Variants in TSHR observed in about 807,000 individuals in gnomAD.
The protein encoded by TSHR is thyrotropin receptor.
In TSHR, 51 loss-of-function variants were observed where a neutral mutation model predicts 64.1. The observed-to-expected ratio is 0.80, with a 90% CI of 0.64 to 1.01. The LOEUF is 1.01. TSHR is among the 50% of genes least tolerant of loss of function. The pLI, the probability that TSHR is intolerant of heterozygous loss-of-function variation, is 0.00. For synonymous variants in TSHR, 361 were observed against 361.9 expected, an observed-to-expected ratio of 1.00 and a Z score of 0.03; for missense variants, 877 against 942.8, an observed-to-expected ratio of 0.93 and a Z score of 0.91.
At chr14:81,065,806 A>G (rs778296093) in intron 2 of TSHR, among the ~76,000 whole-genome samples, 27 of 152,214 alleles carry the variant, frequency 1.8e-4, no homozygotes, top group Non-Finnish European at 3.7e-4. Flanking sequence ...TAATGATTAA[A>G]GATTTGATAT....
At chr14:81,033,004 G>C in intron 1 of TSHR, 1 of 361,026 alleles carries the variant, frequency 2.8e-6, no homozygotes, top group Non-Finnish European at 5.5e-6. Context: ...GCTGTGTGGG[G>C]CAGATTTACT....
intron 3 of TSHR, among the ~76,000 whole-genome samples, chr14:81,075,967 A>T (rs1430836825): frequency 6.6e-6 from 1 of 152,118 alleles, no homozygotes; most frequent in Non-Finnish European, 1.5e-5. Flanking sequence ...ATGCAGCCAT[A>T]AAAAATGATG....
At chr14:81,000,703 T>G (rs1024826704) in intron 1 of TSHR, among the ~76,000 whole-genome samples, 9 of 152,218 alleles carry the variant, frequency 5.9e-5, no homozygotes, top group African/African-American at 2.2e-4. Context: ...TCAGGGGTCA[T>G]GACAAAATCT....
intron 1 of TSHR, among the ~76,000 whole-genome samples, chr14:81,023,825 A>C (rs1436902928): frequency 2.6e-5 from 4 of 152,282 alleles, no homozygotes; most frequent in Non-Finnish European, 5.9e-5. Flanking sequence ...AAAACAGTAG[A>C]GGTAGCCCAT....
At chr14:80,957,638 G>C (rs950858106) in intron 1 of TSHR, among the ~76,000 whole-genome samples, 8 of 152,182 alleles carry the variant, frequency 5.3e-5, no homozygotes, top group Non-Finnish European at 1.2e-4. Context: ...CAGTGAAAAG[G>C]AACTCGTAGA....
chr14:81,056,032 G>A (rs1016382524), intron 1 of TSHR, among the ~76,000 whole-genome samples: 3 of 152,130 alleles, frequency 2.0e-5, no homozygotes, highest in African/African-American at 7.2e-5. Context: ...TGTTGTGGGA[G>A]GGACTCAGTG....
chr14:81,014,747 C>T (rs1452027269), intron 1 of TSHR, among the ~76,000 whole-genome samples: 1 of 152,174 alleles, frequency 6.6e-6, no homozygotes, highest in Non-Finnish European at 1.5e-5. Flanking sequence ...ATAGTTCCTG[C>T]AGCTATTAGT....
intron 4 of TSHR, among the ~76,000 whole-genome samples, chr14:81,089,205 G>C (rs144189812): frequency 0.03 from 4,598 of 151,854 alleles, 233 homozygotes; most frequent in African/African-American, 0.1. Flanking sequence ...CCAGGCTGGT[G>C]TCGAACTCCT....
chr14:81,091,463 G>A (rs1888730740), intron 5 of TSHR, among the ~76,000 whole-genome samples: 1 of 152,166 alleles, frequency 6.6e-6, no homozygotes, highest in African/African-American at 2.4e-5. Context: ...CTATTAAAAG[G>A]AGCAGAAAAT....
intron 1 of TSHR, among the ~76,000 whole-genome samples, chr14:81,002,384 T>C (rs373655037): frequency 9.3e-4 from 141 of 152,284 alleles, no homozygotes; most frequent in African/African-American, 2.6e-3. Context: ...TTGCTCTGTT[T>C]ACTTAACCCG....
intron 1 of TSHR, among the ~76,000 whole-genome samples, chr14:81,025,587 A>G (rs34936267): frequency 1.3e-5 from 2 of 152,206 alleles, no homozygotes; most frequent in Non-Finnish European, 2.9e-5. Context: ...AATATAATAG[A>G]CAATACATTA....
At chr14:81,075,449 A>G (rs1887425452) in intron 3 of TSHR, among the ~76,000 whole-genome samples, 2 of 152,224 alleles carry the variant, frequency 1.3e-5, no homozygotes, top group Non-Finnish European at 2.9e-5. Context: ...CATTCAATAA[A>G]TACAGTATGT....
intron 1 of TSHR, among the ~76,000 whole-genome samples, chr14:80,958,573 A>T (rs1566736724): frequency 1.3e-5 from 2 of 152,204 alleles, no homozygotes; most frequent in Non-Finnish European, 2.9e-5. Context: ...AAAGGAAAGA[A>T]GAAGGAAGGA....
intron 3 of TSHR, among the ~76,000 whole-genome samples, chr14:81,080,647 C>A (rs939110477): frequency 4.6e-5 from 7 of 152,024 alleles, no homozygotes; most frequent in African/African-American, 1.7e-4. Flanking sequence ...TAGATTATTT[C>A]TTTCCTCCAG....
Position 80,955,870 on chromosome 14 carries a change from C to A in TSHR, c.170+20C>A. 1.2e-6 allele frequency: 2 copies of A among 1,614,054 alleles called. No homozygotes were observed. Among genetic ancestry groups the A allele is most frequent in the African/African-American group, 1.3e-5 (1 of 75,064 alleles). On this transcript the variant is annotated intron_variant, in intron 1 of 9. Coordinates refer to ENST00000298171, the MANE Select transcript of TSHR (RefSeq NM_000369.5). ...GACTCTGTGAGTACCCGGGAGAGAT[C>A]AGGGTAGGACCCAGAGATCAAGGGC... is the stretch of plus-strand genomic sequence containing the variant.
At chr14:80,967,974 T>G (rs1057235650) in intron 1 of TSHR, among the ~76,000 whole-genome samples, 2 of 152,120 alleles carry the variant, frequency 1.3e-5, no homozygotes, top group African/African-American at 4.8e-5. Context: ...GGACCCTTGC[T>G]TTAGGAAGGA....
At chr14:80,991,228 T>C (rs17545038) in intron 1 of TSHR, among the ~76,000 whole-genome samples, 30,349 of 152,164 alleles carry the variant, frequency 0.2, 3,593 homozygotes, top group Admixed American at 0.28. Flanking sequence ...GTACCCTAAA[T>C]GCAAGTTGTT....
chr14:81,057,616 A>G (rs972871202), intron 1 of TSHR, among the ~76,000 whole-genome samples: 2 of 152,202 alleles, frequency 1.3e-5, no homozygotes, highest in Admixed American at 6.5e-5. Context: ...GTTCAGTGAA[A>G]TATACTTGGT....
At chr14:81,028,849 A>G (rs941863902) in intron 1 of TSHR, among the ~76,000 whole-genome samples, 1 of 152,110 alleles carries the variant, frequency 6.6e-6, no homozygotes, top group Non-Finnish European at 1.5e-5. Context: ...AATTTTTAAT[A>G]GAGAAAATTT....
Sources: gnomAD v4.1 joint callset for allele counts (sites outside exome capture counted in the v4.1 genomes callset) on GRCh38, gnomAD v4.1.1 for gene constraint, MANE v1.5 for transcripts, NCBI Gene and HGNC (gene_info 2026-07-23, HGNC 2026-07-21) for gene names.